LHCGR: variants seen among roughly 807,000 people sequenced by gnomAD.
The protein encoded by LHCGR is lutropin-choriogonadotropic hormone receptor.
In LHCGR, 55 loss-of-function variants were observed where a neutral mutation model predicts 60.7. That is an observed-to-expected ratio of 0.91 (90% CI 0.73 to 1.13). The LOEUF is 1.13. Among genes scored for constraint, LHCGR ranks in the 50% most tolerant of loss-of-function variants. LHCGR has a pLI of 0.00. For missense variants in LHCGR, 862 were observed against 836.0 expected (o/e 1.03, Z -0.38); for synonymous variants, 337 against 316.5 (o/e 1.06, Z -0.69).
At chr2:48,726,814 G>T (rs1041951602) in intron 3 of LHCGR, among the ~76,000 whole-genome samples, 5 of 152,142 alleles carry the variant, frequency 3.3e-5, no homozygotes, top group African/African-American at 4.8e-5. Context: ...ATATGTGTCT[G>T]GTTCACAGTA....
intron 2 of LHCGR, among the ~76,000 whole-genome samples, chr2:48,730,482 A>T (rs186815691): frequency 1.3e-5 from 2 of 152,226 alleles, no homozygotes; most frequent in African/African-American, 4.8e-5. Context: ...CAAAGGAGCT[A>T]AGATCAATGC....
intron 1 of LHCGR, among the ~76,000 whole-genome samples, chr2:48,733,633 G>A (rs1435762271): frequency 6.6e-6 from 1 of 152,154 alleles, no homozygotes; most frequent in East Asian, 1.9e-4. Flanking sequence ...AGAGTCCTGG[G>A]GGCCAGGGAA....
chr2:48,741,085 G>A (rs531962797), intron 1 of LHCGR, among the ~76,000 whole-genome samples: 115 of 152,304 alleles, frequency 7.6e-4, no homozygotes, highest in African/African-American at 2.0e-3. Context: ...GGAAGAAAGG[G>A]TATCAGCGAT....
chr2:48,725,916 G>C (rs774953318), intron 3 of LHCGR, among the ~76,000 whole-genome samples, 166 bp from the exon 4 acceptor site: 5 of 152,138 alleles, frequency 3.3e-5, no homozygotes, highest in African/African-American at 1.2e-4. Flanking sequence ...GATGGAAATG[G>C]CTTGGTGAGA....
At chr2:48,722,135 C>A (rs184182934) in intron 6 of LHCGR, among the ~76,000 whole-genome samples, 3 of 152,104 alleles carry the variant, frequency 2.0e-5, no homozygotes, top group East Asian at 3.9e-4. Flanking sequence ...GGTGACAGAG[C>A]GAGACTCAGT....
chr2:48,711,990 A>T (rs1279180886), intron 7 of LHCGR, among the ~76,000 whole-genome samples: 1 of 151,776 alleles, frequency 6.6e-6, no homozygotes, highest in East Asian at 1.9e-4. Context: ...TTTGTCCCTA[A>T]CTCGTATCTA....
Position 48,734,726 on chromosome 2 carries a change from T to C in LHCGR, c.162-3428A>G, listed in dbSNP as rs141316844. ...AAGGAGAACTGAGGGCAAAAATGCC[T>C]AAGGCAAGGACAGTTCAGCAGCTCT... On this transcript the variant is annotated intron_variant, in intron 1 of 10. Transcript: ENST00000294954. Among the ~76,000 whole-genome samples the C allele has an allele frequency of 1.5e-4, 23 of 152,288 alleles. No individual in the cohort carries two copies. The East Asian group carries it at 3.7e-3, about 24-fold the overall frequency.
chr2:48,750,600 G>A (rs1669915678), intron 1 of LHCGR, among the ~76,000 whole-genome samples: 1 of 152,188 alleles, frequency 6.6e-6, no homozygotes, highest in Non-Finnish European at 1.5e-5. Flanking sequence ...ATGACATTTA[G>A]CTGTAATACA....
At position 48,688,486 on chromosome 2, in the gene LHCGR, A is replaced by G; in HGVS notation, c.1311T>C (p.Ser437=). The G allele has an allele frequency of 6.2e-7, 1 of 1,613,750 alleles. No individual in the cohort carries two copies. Among genetic ancestry groups the G allele is most frequent in the South Asian group, 1.1e-5 (1 of 91,058 alleles). ...YNHAIDWQTG[S]GCSTAGFFTV... Reference sequence around the variant, plus strand: ...TGAAAAAGCCAGCAGTGCTGCACCCACTCCCTGTCTGCCAGTCTATGGCAT... The same window carrying G: ...TGAAAAAGCCAGCAGTGCTGCACCCGCTCCCTGTCTGCCAGTCTATGGCAT... Residue 437 remains serine (S), a synonymous_variant, in exon 11 of 11, where the codon AGT becomes AGC. Transcript: ENST00000294954. This position sits in a 1 kb window ranked among gnomAD's most constrained non-coding sequence, Gnocchi z 5.2.
At chr2:48,731,079 T>C (rs983857499) in intron 2 of LHCGR, 148 bp downstream of exon 2, 20 of 605,320 alleles carry the variant, frequency 3.3e-5, no homozygotes, top group African/African-American at 7.5e-5. Context: ...TCTCTAGTTA[T>C]TATTTGTATT....
intron 10 of LHCGR, among the ~76,000 whole-genome samples, chr2:48,689,228 C>G (rs1680082899): frequency 6.6e-6 from 1 of 151,498 alleles, no homozygotes. Context: ...AACATTGATA[C>G]AAAAACTTAA....
chr2:48,737,979 T>A (rs1338410422), intron 1 of LHCGR, among the ~76,000 whole-genome samples: 2 of 152,246 alleles, frequency 1.3e-5, no homozygotes, highest in African/African-American at 2.4e-5. Context: ...CCTGGCTTGG[T>A]GCTGTTGTCC....
chr2:48,724,784 G>A (rs1668646596), intron 4 of LHCGR, among the ~76,000 whole-genome samples: 1 of 152,130 alleles, frequency 6.6e-6, no homozygotes, highest in Non-Finnish European at 1.5e-5. Flanking sequence ...CCTGAGTTTG[G>A]AATTGTTCAG....
Position 48,688,388 on chromosome 2 carries a change from T to C in LHCGR, c.1409A>G (p.Tyr470Cys), listed in dbSNP as rs971472276. 7 of 1,614,162 alleles carry C rather than the reference T, an allele frequency of 4.3e-6. No homozygotes were observed. Among genetic ancestry groups the C allele is most frequent in the Non-Finnish European group, 5.1e-6 (6 of 1,180,030 alleles). Residue 470 changes from tyrosine (Y) to cysteine (C), a missense_variant, in exon 11 of 11, where the codon TAT becomes TGT. Physicochemically the swap from Tyr to Cys is radical, Grantham distance 194. Coordinates refer to ENST00000294954, the MANE Select transcript of LHCGR (RefSeq NM_000233.4). This position sits in a 1 kb window ranked among gnomAD's most constrained non-coding sequence, Gnocchi z 5.2. Reference protein sequence around the residue: ...ITLERWHTITYAIHLDQKLRL... With the variant: ...ITLERWHTITCAIHLDQKLRL... ...CAGCTTTTGGTCCAGGTGAATAGCA[T>C]AGGTGATGGTGTGCCATCTTTCTAG...
chr2:48,692,723 A>G (rs1439305441), intron 10 of LHCGR, among the ~76,000 whole-genome samples: 1 of 152,200 alleles, frequency 6.6e-6, no homozygotes, highest in Non-Finnish European at 1.5e-5. Context: ...GTAAGGACAC[A>G]TTATCTTGGG....
intron 10 of LHCGR, among the ~76,000 whole-genome samples, chr2:48,692,235 T>C (rs932498070): frequency 1.3e-5 from 2 of 152,226 alleles, no homozygotes; most frequent in East Asian, 3.9e-4. Context: ...AGTCCAGCTA[T>C]TCCTGATTTC....
At chr2:48,712,687 TTATATTA>T in intron 7 of LHCGR, among the ~76,000 whole-genome samples, 1 of 150,686 alleles carries the variant, frequency 6.6e-6, no homozygotes, top group Admixed American at 6.6e-5. Context: ...TTATAATTAA[TTATATTA>T]TATATTATAT....
At chr2:48,689,635 G>A (rs1002785657) in intron 10 of LHCGR, among the ~76,000 whole-genome samples, 2 of 152,176 alleles carry the variant, frequency 1.3e-5, no homozygotes, top group Non-Finnish European at 2.9e-5. Context: ...GAGGTACTTT[G>A]TCCCTAGTGA....
At chr2:48,705,997 T>C (rs1198650014) in intron 8 of LHCGR, among the ~76,000 whole-genome samples, 1 of 152,196 alleles carries the variant, frequency 6.6e-6, no homozygotes, top group Non-Finnish European at 1.5e-5. Flanking sequence ...ATTGATGGCC[T>C]TTACAATTTG....
Sources: allele counts gnomAD v4.1 joint callset (sites outside exome capture counted in the v4.1 genomes callset), GRCh38; gene constraint gnomAD v4.1.1; non-coding constraint Gnocchi (gnomAD v3.1); transcripts MANE v1.5; gene names NCBI Gene and HGNC (gene_info 2026-07-23, HGNC 2026-07-21).